The following SLAIN1 variants were observed in gnomAD, a reference collection of about 807,000 sequenced individuals.
The protein encoded by SLAIN1 is SLAIN family member 1.
In SLAIN1, 17 loss-of-function variants were observed where a neutral mutation model predicts 55.4. The observed-to-expected ratio is 0.31, with a 90% CI of 0.21 to 0.46. The LOEUF (loss-of-function observed/expected upper bound fraction) is 0.46. Among genes scored for constraint, SLAIN1 ranks in the 20% least tolerant of loss-of-function variants. The pLI is 1.00. For missense variants in SLAIN1, 682 were observed against 785.1 expected, an observed-to-expected ratio of 0.87 and a Z score of 1.57; for synonymous variants, 348 against 337.4, an observed-to-expected ratio of 1.03 and a Z score of -0.35.
In SLAIN1 at chr13:77,744,393, C is replaced by T. The variant is rs757649087; in HGVS notation, c.877C>T (p.Leu293Phe). Reference protein sequence around the residue: ...SISMGYKLQDLTDVQIMARLQ... With the variant: ...SISMGYKLQDFTDVQIMARLQ... ...CTCCATGGGATATAAATTACAGGAC[C>T]TCACTGATGTTCAGATCATGGCTCG... is the stretch of plus-strand genomic sequence containing the variant. The change falls in exon 3 of 7, where the codon CTC (leucine) becomes TTC (phenylalanine). Residue 293 changes from leucine to phenylalanine, a missense_variant. Around this residue, in one of 3 missense-constraint regions of SLAIN1, gnomAD observed 37 missense variants for 72.6 expected, o/e 0.51. Coordinates refer to ENST00000418532, the MANE Select transcript of SLAIN1 (RefSeq NM_001242868.2). 10 of 1,612,686 alleles carry T rather than the reference C, an allele frequency of 6.2e-6. No individual in the cohort carries two copies. Among genetic ancestry groups the T allele is most frequent in the Admixed American group, 1.7e-5 (1 of 59,862 alleles).
intron 2 of SLAIN1, among the ~76,000 whole-genome samples, chr13:77,729,245 TC>T (rs1328103030): frequency 6.6e-6 from 1 of 152,184 alleles, no homozygotes; most frequent in East Asian, 1.9e-4. Context: ...AATCCTTTTT[TC>T]TTTTGCTAAT....
chr13:77,759,535 G>A (rs868299999), intron 5 of SLAIN1, among the ~76,000 whole-genome samples: 1 of 152,088 alleles, frequency 6.6e-6, no homozygotes, highest in Non-Finnish European at 1.5e-5. Flanking sequence ...CAGGGGGAAT[G>A]CTTTCAACTT....
intron 5 of SLAIN1, among the ~76,000 whole-genome samples, chr13:77,753,580 T>C (rs1472631861): frequency 6.6e-5 from 10 of 152,126 alleles, no homozygotes; most frequent in Admixed American, 6.6e-4. Flanking sequence ...CCAGTGCCTG[T>C]GGTATAAATT....
At chr13:77,729,459 C>T (rs2154409961) in intron 2 of SLAIN1, among the ~76,000 whole-genome samples, 1 of 152,030 alleles carries the variant, frequency 6.6e-6, no homozygotes, top group South Asian at 2.1e-4. Flanking sequence ...TGCTTTCATA[C>T]TACTGTGACG....
intron 1 of SLAIN1, among the ~76,000 whole-genome samples, chr13:77,717,030 G>T (rs1449235869): frequency 6.6e-6 from 1 of 151,944 alleles, no homozygotes; most frequent in Non-Finnish European, 1.5e-5. Context: ...GTTTCTTTCT[G>T]TTTCCGATTT....
chr13:77,734,680 C>T (rs1328025459), intron 2 of SLAIN1, among the ~76,000 whole-genome samples: 1 of 152,120 alleles, frequency 6.6e-6, no homozygotes, highest in East Asian at 1.9e-4. Flanking sequence ...TAGAAAACTC[C>T]TACAGAATCT....
At chr13:77,718,680 T>G (rs1458061538) in intron 1 of SLAIN1, among the ~76,000 whole-genome samples, 1 of 152,204 alleles carries the variant, frequency 6.6e-6, no homozygotes, top group Non-Finnish European at 1.5e-5. Context: ...TAATGTAAGC[T>G]TATAGTAGTA....
chr13:77,751,797 C>G (rs1328525247), intron 4 of SLAIN1, among the ~76,000 whole-genome samples: 1 of 152,146 alleles, frequency 6.6e-6, no homozygotes, highest in African/African-American at 2.4e-5. Flanking sequence ...GTGACGCATG[C>G]TGTGCTCTAG....
At position 77,714,752 on chromosome 13, in the gene SLAIN1, C is replaced by T. The variant is rs575748283; in HGVS notation, c.627-4780C>T. On this transcript the variant is annotated intron_variant, in intron 1 of 6. Transcript: ENST00000418532. ...TGATAGACTTTAACATGTATATATA[C>T]CCGGGAAATCATGACCACAGTTAAT... Among the ~76,000 whole-genome samples, 16 of 152,274 alleles carry T rather than the reference C, an allele frequency of 1.1e-4. No homozygotes were observed. In the Middle Eastern group the frequency reaches 0.01, roughly 97 times the overall value.
At chr13:77,742,943 C>A in intron 2 of SLAIN1, 1 of 871,452 alleles carries the variant, frequency 1.1e-6, no homozygotes, top group Non-Finnish European at 1.4e-6. Context: ...TTATTCTCTT[C>A]CCTTTCTCCT....
In SLAIN1 at chr13:77,750,101, T is replaced by A. The variant is rs118119790; in HGVS notation, c.1259-3102T>A. ...ATTACAATATTGTGATTCCATAGAA[T>A]TTTCTCAGGAGATCAATATGCATTT... is the stretch of plus-strand genomic sequence containing the variant. On this transcript the variant is annotated intron_variant, in intron 4 of 6. Coordinates refer to ENST00000418532, the MANE Select transcript of SLAIN1 (RefSeq NM_001242868.2). 9.9e-4 allele frequency among the ~76,000 whole-genome samples: 151 copies of A among 152,302 alleles called. 1 individual carries two copies. In the East Asian group the frequency reaches 0.025, roughly 26 times the overall value.
In SLAIN1 at chr13:77,697,908, C is replaced by A; in HGVS notation, c.-6C>A. 7.2e-7 allele frequency: 1 copy of A among 1,389,182 alleles called. No individual in the cohort carries two copies. Among genetic ancestry groups the A allele is most frequent in the South Asian group, 1.4e-5 (1 of 71,198 alleles). The allele number at this position is 1,389,182 out of a possible 1,614,324, so 86.1% of individuals were successfully genotyped here. A position where few individuals can be genotyped will look rare whatever the true frequency, so the allele number is the denominator to read the frequency against. On this transcript the variant is annotated 5_prime_UTR_variant, in exon 1 of 7. Transcript: ENST00000418532. ...CCCGGCGGCCGCGGCGCCCTCGGGG[C>A]CCACGATGATGGCGGAGCAGGTGAA...
At chr13:77,702,290 T>C (rs536876987) in intron 1 of SLAIN1, among the ~76,000 whole-genome samples, 8 of 152,178 alleles carry the variant, frequency 5.3e-5, no homozygotes, top group Admixed American at 1.3e-4. Context: ...CTTACTAATT[T>C]GATAGGCTTA....
chr13:77,749,004 CTT>C (rs1483750670), intron 4 of SLAIN1, among the ~76,000 whole-genome samples: 1 of 152,124 alleles, frequency 6.6e-6, no homozygotes, highest in African/African-American at 2.4e-5. Context: ...GTCTTCTCCC[CTT>C]TTGTTTTTAA....
chr13:77,712,306 A>G (rs1207098387), intron 1 of SLAIN1, among the ~76,000 whole-genome samples: 1 of 152,216 alleles, frequency 6.6e-6, no homozygotes, highest in Admixed American at 6.5e-5. Flanking sequence ...ACATGATTGT[A>G]TATTGAGAAA....
In SLAIN1 at chr13:77,707,078, C is replaced by CT. The variant is rs1021518978; in HGVS notation, c.626+8549dup. The stretch of plus-strand genomic sequence containing the variant: ...CTTCCACTCTGGAAATTTTCTTGCT[C>CT]TTTTTTTTTTCTTCAAAATAACTTT... On this transcript the variant is annotated intron_variant, in intron 1 of 6. Transcript: ENST00000418532. 2.5e-3 allele frequency among the ~76,000 whole-genome samples: 373 copies of CT among 148,766 alleles called. 2 individuals are homozygous for CT. The highest frequency in any genetic ancestry group is 7.3e-3 in the African/African-American group (298 of 40,652).
chr13:77,723,417 C>CT (rs1026333942), intron 2 of SLAIN1, among the ~76,000 whole-genome samples: 5 of 152,048 alleles, frequency 3.3e-5, no homozygotes, highest in South Asian at 2.1e-4. Context: ...TCTGCATTTG[C>CT]TTTTTTGGGA....
chr13:77,699,603 A>G lies in SLAIN1; in HGVS notation c.626+1064A>G, dbSNP rs182027967. ...AAATGGAGATCCTTACTGGTTTCCT[A>G]TTGGGAACTGCAGTGTTCCTTTTCC... On this transcript the variant is annotated intron_variant, in intron 1 of 6. Transcript: ENST00000418532. Among the ~76,000 whole-genome samples, 1,152 of 152,232 alleles carry G rather than the reference A, an allele frequency of 7.6e-3. 24 individuals carry two copies. The highest frequency in any genetic ancestry group is 8.8e-3 in the Non-Finnish European group (596 of 68,020).
chr13:77,726,770 G>T (rs575427571), intron 2 of SLAIN1, among the ~76,000 whole-genome samples: 2 of 152,268 alleles, frequency 1.3e-5, no homozygotes, highest in African/African-American at 4.8e-5. Flanking sequence ...TTTCCAAGCT[G>T]ATCTTTTAAT....
Sources: gnomAD v4.1 joint callset for allele counts (sites outside exome capture counted in the v4.1 genomes callset) on GRCh38, gnomAD v4.1.1 for gene constraint, gnomAD v4.1.1 regional missense constraint, MANE v1.5 for transcripts, NCBI Gene and HGNC (gene_info 2026-07-23, HGNC 2026-07-21) for gene names.